Variants in TRAF3IP2 observed in about 807,000 individuals in gnomAD.
The protein encoded by TRAF3IP2 is TRAF3 interacting protein 2, also known as E3 ubiquitin ligase TRAF3IP2.
TRAF3IP2 carries 35 observed loss-of-function variants against 57.9 expected under a neutral mutation model. The observed-to-expected ratio is 0.60, with a 90% CI of 0.46 to 0.80. The LOEUF is 0.80. Among genes scored for constraint, TRAF3IP2 ranks in the 30% least tolerant of loss-of-function variants. The probability of loss-of-function intolerance (pLI) is 0.00; values close to 1 mark genes in which losing one functional copy is unlikely to be tolerated. For missense variants in TRAF3IP2, 556 were observed against 706.4 expected (o/e 0.79, Z 2.41); for synonymous variants, 251 against 268.9 (o/e 0.93, Z 0.65).
rs1430316666 is a variant in TRAF3IP2, at chr6:111,558,438, TTG to T, written c.*965_*966del. On this transcript the variant is annotated 3_prime_UTR_variant, in exon 9 of 9. Coordinates refer to ENST00000368761, the MANE Select transcript of TRAF3IP2 (RefSeq NM_147686.4). ...GTTAAAAATGGGTGTTTTTATTTGT[TTG>T]TTTGTTTTTTGAGACGGAGTCTCGC... 2 of 152,250 alleles carry T rather than the reference TTG, an allele frequency of 1.3e-5. No individual in the cohort carries two copies. Among genetic ancestry groups the T allele is most frequent in the African/African-American group, 4.8e-5 (2 of 41,460 alleles). The allele number at this position is 152,250 out of a possible 1,614,324, so 9.4% of individuals were successfully genotyped here.
At position 111,555,527 on chromosome 6, in the gene TRAF3IP2, T is replaced by C. The variant is rs2128366299; in HGVS notation, c.*3878A>G. On this transcript the variant is annotated 3_prime_UTR_variant, in exon 9 of 9. Transcript: ENST00000368761. ...AGACCTCTTTGAACAATCTAGAAGT[T>C]AAAATAGATTTGAAACCAGTCACTA... 6.6e-6 allele frequency among the ~76,000 whole-genome samples: 1 copy of C among 152,332 alleles called. No individual in the cohort carries two copies. Among genetic ancestry groups the C allele is most frequent in the African/African-American group, 2.4e-5 (1 of 41,580 alleles).
Position 111,591,202 on chromosome 6 carries a change from C to A in TRAF3IP2, c.829+56G>T. 7.3e-7 allele frequency: 1 copy of A among 1,360,818 alleles called. No homozygotes were observed. The highest frequency in any genetic ancestry group is 9.8e-7 in the Non-Finnish European group (1 of 1,018,784). 84.3% of individuals were successfully genotyped at this position (1,360,818 alleles called of 1,614,324 possible). A position where few individuals can be genotyped will look rare whatever the true frequency, so the allele number is the denominator to read the frequency against. ...GTGACACGAAGCATTGATGTGAGGC[C>A]CTTGTTTCTTCAGTCACCCAGCCCA... On this transcript the variant is annotated intron_variant, in intron 2 of 8. Coordinates refer to ENST00000368761, the MANE Select transcript of TRAF3IP2 (RefSeq NM_147686.4). This position sits in a 1 kb window ranked among gnomAD's most constrained non-coding sequence, Gnocchi z 4.9.
chr6:111,597,708 G>A (rs139844968), intron 1 of TRAF3IP2: 18 of 377,026 alleles, frequency 4.8e-5, no homozygotes, highest in African/African-American at 2.5e-4. Context: ...GGGTAAGCAC[G>A]AGTGGGCATG....
At chr6:111,586,318 A>G (rs1333178451) in intron 2 of TRAF3IP2, among the ~76,000 whole-genome samples, 1 of 152,108 alleles carries the variant, frequency 6.6e-6, no homozygotes, top group Non-Finnish European at 1.5e-5. Context: ...AGAGAAAGCA[A>G]TAATTTTATA....
chr6:111,571,132 G>A (rs1172493914), intron 5 of TRAF3IP2, among the ~76,000 whole-genome samples: 3 of 149,840 alleles, frequency 2.0e-5, no homozygotes, highest in Middle Eastern at 3.5e-3. Flanking sequence ...CTGGAGTGCA[G>A]TGGCGAGATC....
intron 6 of TRAF3IP2, chr6:111,567,021 G>A (rs753676502): frequency 1.8e-5 from 4 of 221,618 alleles, no homozygotes; most frequent in Non-Finnish European, 3.2e-5. Context: ...GCAAACATCA[G>A]GCTGCAGACA....
At chr6:111,582,289 C>T (rs1003956197) in intron 2 of TRAF3IP2, among the ~76,000 whole-genome samples, 1 of 152,172 alleles carries the variant, frequency 6.6e-6, no homozygotes, top group Non-Finnish European at 1.5e-5. Context: ...CAAAAGTGAC[C>T]ATGCCCCTCC....
At chr6:111,571,262 G>A (rs1404966539) in intron 5 of TRAF3IP2, among the ~76,000 whole-genome samples, 3 of 152,012 alleles carry the variant, frequency 2.0e-5, no homozygotes. Flanking sequence ...ATTTTTTGTA[G>A]AGATAGGGTT....
At chr6:111,572,755 A>G in intron 5 of TRAF3IP2, 140 bp downstream of exon 5, 2 of 697,652 alleles carry the variant, frequency 2.9e-6, no homozygotes, top group Non-Finnish European at 4.9e-6. Context: ...ACCTAAATCT[A>G]TAAGCATTCA....
Position 111,580,196 on chromosome 6 carries a change from C to A in TRAF3IP2, c.1022+1G>T. On this transcript the variant is annotated splice_donor_variant, in intron 3 of 8. Coordinates refer to ENST00000368761, the MANE Select transcript of TRAF3IP2 (RefSeq NM_147686.4). LOFTEE classifies it high-confidence loss of function. ...CTGAAGGTTGGGCCTGTCATACTTA[C>A]TGGTGCCTTGGAAGCCCCGGAAAGG... 1.2e-6 allele frequency: 2 copies of A among 1,613,840 alleles called. No homozygotes were observed. The highest frequency in any genetic ancestry group is 1.7e-6 in the Non-Finnish European group (2 of 1,179,858).
intron 1 of TRAF3IP2, among the ~76,000 whole-genome samples, chr6:111,604,773 A>G (rs1378433843): frequency 6.6e-6 from 1 of 152,184 alleles, no homozygotes; most frequent in Non-Finnish European, 1.5e-5. Flanking sequence ...TCAGGAAACA[A>G]AGTCCTTTCC....
In TRAF3IP2 at chr6:111,559,443, G is replaced by A. The variant is rs773458653; in HGVS notation, c.1660C>T (p.Arg554Trp). 7.4e-6 allele frequency: 12 copies of A among 1,614,088 alleles called. No individual in the cohort carries two copies. The highest frequency in any genetic ancestry group is 1.1e-5 in the South Asian group (1 of 91,074). The change falls in exon 9 of 9, where the codon CGG becomes TGG. Residue 554 changes from arginine to tryptophan, a missense_variant. Around this residue, in one of 2 missense-constraint regions of TRAF3IP2, gnomAD observed 128 missense variants for 207.7 expected, o/e 0.62. Transcript: ENST00000368761. ...ACCTGAAGGGTGGGCAGAGGCCCCCGTGGAGGAGCCACATACTCTTCCTCT... is the reference window on the plus strand; with the variant it reads ...ACCTGAAGGGTGGGCAGAGGCCCCCATGGAGGAGCCACATACTCTTCCTCT... Reference protein sequence around the residue: ...LREEEYVAPPRGPLPTLQVVP... With the variant: ...LREEEYVAPPWGPLPTLQVVP...
At chr6:111,599,918 T>C (rs1165447647) in intron 1 of TRAF3IP2, 1 of 152,158 alleles carries the variant, frequency 6.6e-6, no homozygotes, top group Non-Finnish European at 1.5e-5. Context: ...ACATATGCAA[T>C]ACTTAAATGC....
chr6:111,575,481 G>A (rs867800419), intron 4 of TRAF3IP2, among the ~76,000 whole-genome samples, 162 bp downstream of exon 4: 4 of 151,746 alleles, frequency 2.6e-5, no homozygotes, highest in Non-Finnish European at 5.9e-5. Context: ...CCAGCTACTC[G>A]GGAGGCTGAG....
At chr6:111,595,841 A>AAAAG in intron 1 of TRAF3IP2, among the ~76,000 whole-genome samples, 1 of 152,268 alleles carries the variant, frequency 6.6e-6, no homozygotes, top group Non-Finnish European at 1.5e-5. Context: ...AAAAAAAAAA[A>AAAAG]AAAGGAGGTA....
At chr6:111,603,228 C>T (rs1448866536) in intron 1 of TRAF3IP2, among the ~76,000 whole-genome samples, 1 of 152,176 alleles carries the variant, frequency 6.6e-6, no homozygotes, top group African/African-American at 2.4e-5. Context: ...AAAGGACAGC[C>T]TGAGTTTCAT....
chr6:111,591,619 T>C lies in TRAF3IP2; in HGVS notation c.468A>G (p.Ser156=). The change falls in exon 2 of 9, where the codon TCA becomes TCG. Residue 156 remains serine, a synonymous_variant. Coordinates refer to ENST00000368761, the MANE Select transcript of TRAF3IP2 (RefSeq NM_147686.4). This position sits in a 1 kb window ranked among gnomAD's most constrained non-coding sequence, Gnocchi z 4.9. The part of the protein sequence containing the change: ...SAASPDTGHD[S]DKSDQSLPNA... The stretch of plus-strand genomic sequence containing the variant: ...TAGGTAAACTTTGGTCTGATTTGTC[T>C]GAGTCATGGCCAGTGTCAGGAGAAG... The C allele has an allele frequency of 6.2e-7, 1 of 1,614,238 alleles. No individual in the cohort carries two copies. The highest frequency in any genetic ancestry group is 1.1e-5 in the South Asian group (1 of 91,082).
intron 1 of TRAF3IP2, among the ~76,000 whole-genome samples, chr6:111,605,541 C>A (rs1287948584): frequency 6.6e-6 from 1 of 152,258 alleles, no homozygotes; most frequent in Non-Finnish European, 1.5e-5. Context: ...AAAGGGTTAA[C>A]CCGGCGGGGC....
chr6:111,601,096 G>GTCGCCGT, intron 1 of TRAF3IP2: 1 of 652,960 alleles, frequency 1.5e-6, no homozygotes, highest in Non-Finnish European at 2.9e-6. Flanking sequence ...TCTCGGTTGG[G>GTCGCCGT]AGCACTGACT....
Sources: gnomAD v4.1 joint callset for allele counts (sites outside exome capture counted in the v4.1 genomes callset) on GRCh38, gnomAD v4.1.1 for gene constraint, gnomAD v4.1.1 regional missense constraint, Gnocchi (gnomAD v3.1) non-coding constraint, MANE v1.5 for transcripts, NCBI Gene and HGNC (gene_info 2026-07-23, HGNC 2026-07-21) for gene names.